Variants in CDYL observed in about 807,000 individuals in gnomAD.
CDYL encodes the protein chromodomain Y like, also known as chromodomain Y-like protein.
Under a neutral mutation model 47.3 loss-of-function variants are expected in CDYL, and 8 were observed. The observed-to-expected ratio is 0.17, with a 90% CI of 0.10 to 0.31. The LOEUF (loss-of-function observed/expected upper bound fraction) is 0.31, where lower values mean the gene tolerates loss of function less well. Ranked by LOEUF, CDYL falls within the 10% of genes least tolerant of loss-of-function variation. The pLI, the probability that CDYL is intolerant of heterozygous loss-of-function variation, is 1.00. For missense variants in CDYL, 471 were observed against 701.4 expected, an observed-to-expected ratio of 0.67 and a Z score of 3.71; for synonymous variants, 266 against 265.0, an observed-to-expected ratio of 1.00 and a Z score of -0.04.
chr6:4,891,533 T>A (rs1762039449), intron 1 of CDYL, among the ~76,000 whole-genome samples, 180 bp from the exon 2 acceptor site: 1 of 152,234 alleles, frequency 6.6e-6, no homozygotes. Context: ...CTTGTTTGAC[T>A]TACTTTCAGG....
At chr6:4,769,488 T>G (rs1308798111) in intron 3 of CDYL, among the ~76,000 whole-genome samples, 1 of 152,224 alleles carries the variant, frequency 6.6e-6, no homozygotes, top group Non-Finnish European at 1.5e-5. Flanking sequence ...CTTGTTGTAT[T>G]TTTCTTTATG....
chr6:4,807,591 CTTTTTTTTTTTTTTTTTTTTT>C lies in CDYL; in HGVS notation c.24+30793_24+30813del, dbSNP rs70974139. 2.3e-4 allele frequency among the ~76,000 whole-genome samples: 10 copies of C among 42,898 alleles called. No homozygotes were observed. In the East Asian group the frequency reaches 7.8e-3, roughly 33 times the overall value. The allele number at this position is 42,898 out of a possible 152,430, so 28.1% of individuals were successfully genotyped here. On this transcript the variant is annotated intron_variant, in intron 1 of 6. Transcript: ENST00000397588. The stretch of plus-strand genomic sequence containing the variant: ...TTCTCTGTATATCATTCATTCATGT[CTTTTTTTTTTTTTTTTTTTTT>C]TTTTTTTTGGAGATAGGCTCTTGCA...
At chr6:4,859,510 CTCTG>C (rs1258356384) in intron 1 of CDYL, among the ~76,000 whole-genome samples, 1 of 152,148 alleles carries the variant, frequency 6.6e-6, no homozygotes, top group East Asian at 1.9e-4. Context: ...CACTCACTCC[CTCTG>C]TAAGGAAAGC....
At chr6:4,944,464 C>G (rs1249517689) in intron 5 of CDYL, among the ~76,000 whole-genome samples, 7 of 152,204 alleles carry the variant, frequency 4.6e-5, no homozygotes, top group African/African-American at 1.7e-4. Context: ...AGGTGGCTCC[C>G]TACAGCTGAG....
At chr6:4,830,373 A>AT (rs1465996913) in intron 1 of CDYL, among the ~76,000 whole-genome samples, 1 of 152,092 alleles carries the variant, frequency 6.6e-6, no homozygotes, top group Non-Finnish European at 1.5e-5. Flanking sequence ...ATAAGTACAG[A>AT]TCTTGGCTGG....
At chr6:4,763,891 C>T (rs113306058) in intron 3 of CDYL, among the ~76,000 whole-genome samples, 3,111 of 152,122 alleles carry the variant, frequency 0.02, 111 homozygotes, top group African/African-American at 0.07. Context: ...TGCAGTGAGC[C>T]GAGATCATGC....
intron 1 of CDYL, among the ~76,000 whole-genome samples, chr6:4,817,375 A>G (rs1057326935): frequency 1.1e-4 from 17 of 151,668 alleles, no homozygotes; most frequent in Non-Finnish European, 1.6e-4. Flanking sequence ...AAAAACTGTG[A>G]AATTCCTGGA....
intron 1 of CDYL, among the ~76,000 whole-genome samples, chr6:4,855,683 A>G (rs1760984992): frequency 6.6e-6 from 1 of 151,894 alleles, no homozygotes; most frequent in African/African-American, 2.4e-5. Flanking sequence ...TTGAAAATGT[A>G]GTTTACATCA....
intron 3 of CDYL, 40 bp from the exon 4 acceptor site, chr6:4,937,525 C>T (rs775505059): frequency 6.8e-7 from 1 of 1,477,230 alleles, no homozygotes; most frequent in Non-Finnish European, 9.0e-7. Flanking sequence ...ATTTTAAACC[C>T]AAAATATTCT....
At chr6:4,751,020 T>A (rs888318321) in intron 3 of CDYL, among the ~76,000 whole-genome samples, 2 of 151,878 alleles carry the variant, frequency 1.3e-5, no homozygotes, top group Non-Finnish European at 2.9e-5. Context: ...GCCCGGCTAA[T>A]TTTTTGTATA....
rs1762238144 is a variant in CDYL, at chr6:4,895,430, CAT to C, written c.691+3052_691+3053del. Among the ~76,000 whole-genome samples, 5 of 2,980 alleles carry C rather than the reference CAT, an allele frequency of 1.7e-3. 2 individuals are homozygous for C. The highest frequency in any genetic ancestry group is 1.8e-3 in the African/African-American group (5 of 2,854). 2.0% of individuals were successfully genotyped at this position (2,980 alleles called of 152,430 possible). ...ATGTATACGTATATATGCATGTATACATGTATACGTATATATGCATATATACA... is the reference window on the plus strand; with the variant it reads ...ATGTATACGTATATATGCATGTATACGTATACGTATATATGCATATATACA... On this transcript the variant is annotated intron_variant, in intron 2 of 6. Transcript: ENST00000397588.
At chr6:4,758,352 AT>A (rs1758110035) in intron 3 of CDYL, among the ~76,000 whole-genome samples, 1 of 7,304 alleles carries the variant, frequency 1.4e-4, no homozygotes, top group African/African-American at 1.6e-4. Context: ...AAATAAATAA[AT>A]ATATATATAT....
At chr6:4,934,493 T>G (rs748065884) in intron 2 of CDYL, among the ~76,000 whole-genome samples, 1 of 152,196 alleles carries the variant, frequency 6.6e-6, no homozygotes, top group Non-Finnish European at 1.5e-5. Context: ...GGAGGAAATA[T>G]TTCTGATTCA....
At chr6:4,816,440 A>G (rs1759678421) in intron 1 of CDYL, among the ~76,000 whole-genome samples, 1 of 149,176 alleles carries the variant, frequency 6.7e-6, no homozygotes, top group African/African-American at 2.5e-5. Flanking sequence ...TGTTTTAAGT[A>G]CTTTGCAGAT....
chr6:4,943,791 ATTCT>A, intron 5 of CDYL, 35 bp downstream of exon 5: 11 of 1,287,778 alleles, frequency 8.5e-6, no homozygotes, highest in Non-Finnish European at 1.1e-5. Context: ...AAAAAAAGTC[ATTCT>A]AGAAAGCTTC....
chr6:4,911,646 C>A (rs1212528632), intron 2 of CDYL, among the ~76,000 whole-genome samples: 1 of 152,124 alleles, frequency 6.6e-6, no homozygotes, highest in African/African-American at 2.4e-5. Flanking sequence ...CATGGTGTTT[C>A]TAACCCCCGC....
In CDYL at chr6:4,814,958, G is replaced by T. The variant is rs541621431; in HGVS notation, c.24+38151G>T. Among the ~76,000 whole-genome samples the T allele has an allele frequency of 5.3e-5, 8 of 152,296 alleles. No homozygotes were observed. The East Asian group carries it at 9.6e-4, about 18-fold the overall frequency. On this transcript the variant is annotated intron_variant, in intron 1 of 6. Transcript: ENST00000397588. ...GCCAGCCAGATTAAGGGGCAGTGTT[G>T]TAGGGTCTGCCAGTCCCTTGGTAAC...
At chr6:4,754,369 T>C (rs1340423254) in intron 3 of CDYL, among the ~76,000 whole-genome samples, 1 of 152,196 alleles carries the variant, frequency 6.6e-6, no homozygotes, top group African/African-American at 2.4e-5. Context: ...AGAAGACATA[T>C]TTAGCTTTGT....
intron 1 of CDYL, among the ~76,000 whole-genome samples, chr6:4,806,911 C>T (rs1170823523): frequency 1.3e-5 from 2 of 152,174 alleles, no homozygotes; most frequent in Non-Finnish European, 1.5e-5. Context: ...TTTGTTTCCT[C>T]ACTGTTTCTG....
Sources: allele counts gnomAD v4.1 joint callset (sites outside exome capture counted in the v4.1 genomes callset), GRCh38; gene constraint gnomAD v4.1.1; transcripts MANE v1.5; gene names NCBI Gene and HGNC (gene_info 2026-07-23, HGNC 2026-07-21).